GPM6B: variants seen among roughly 807,000 people sequenced by gnomAD.
GPM6B encodes the protein neuronal membrane glycoprotein M6-b.
A neutral mutation model predicts 27.2 loss-of-function variants in GPM6B; 4 were observed. That is an observed-to-expected ratio of 0.15 (90% confidence interval 0.07 to 0.34). GPM6B has a LOEUF of 0.34. GPM6B is among the 10% of genes least tolerant of loss of function. The probability of loss-of-function intolerance (pLI) is 1.00; values close to 1 mark genes in which losing one functional copy is unlikely to be tolerated. For missense variants in GPM6B, 183 were observed against 261.9 expected (o/e 0.70, Z 2.08); for synonymous variants, 124 against 103.1 (o/e 1.20, Z -1.23).
chrX:13,781,561 G>A (rs2048516621), intron 4 of GPM6B, among the ~76,000 whole-genome samples: 1 of 111,044 alleles, frequency 9.0e-6, no homozygotes, highest in Non-Finnish European at 1.9e-5. Context: ...AGCCAGACCA[G>A]GCATAAGTGA....
At chrX:13,806,180 T>C (rs781628800) in intron 2 of GPM6B, among the ~76,000 whole-genome samples, 82 of 111,617 alleles carry the variant, frequency 7.3e-4, no homozygotes, top group African/African-American at 2.6e-3. Context: ...TGCTCCCCAA[T>C]CCTCCCTTCT....
intron 1 of GPM6B, among the ~76,000 whole-genome samples, chrX:13,830,084 G>A (rs1160967108): frequency 2.7e-5 from 3 of 111,243 alleles, no homozygotes; most frequent in African/African-American, 9.8e-5. Context: ...CATGATGCAC[G>A]CATGTGAGCA....
intron 1 of GPM6B, among the ~76,000 whole-genome samples, chrX:13,840,213 C>A (rs1319700554): frequency 8.9e-5 from 10 of 111,823 alleles, no homozygotes; most frequent in African/African-American, 3.3e-4. Context: ...ATACCTCATT[C>A]CTGTCCTCCA....
rs369105187 is a variant in GPM6B, at chrX:13,853,627, A to T, written c.-197-67819T>A. Reference sequence around the variant, plus strand: ...AAAAAAAAAAAAGGGAAAAAGACACACGTGGAGTCTGGAAGAATCCACATG... The same window carrying T: ...AAAAAAAAAAAAGGGAAAAAGACACTCGTGGAGTCTGGAAGAATCCACATG... On this transcript the variant is annotated intron_variant, in intron 1 of 6. Transcript: ENST00000398361. Among the ~76,000 whole-genome samples the T allele has an allele frequency of 3.8e-5, 4 of 104,071 alleles. No homozygotes were observed. The East Asian group carries it at 9.0e-4, about 24-fold the overall frequency. 90.4% of individuals were successfully genotyped at this position (104,071 alleles called of 115,157 possible).
chrX:13,847,726 C>A (rs1002550902), intron 1 of GPM6B, among the ~76,000 whole-genome samples: 2 of 112,115 alleles, frequency 1.8e-5, no homozygotes, highest in Non-Finnish European at 3.8e-5. Flanking sequence ...AGTCCTTTTT[C>A]AAGCAACTTT....
At chrX:13,893,447 C>T (rs1336069017) in intron 1 of GPM6B, among the ~76,000 whole-genome samples, 1 of 111,254 alleles carries the variant, frequency 9.0e-6, no homozygotes, top group Non-Finnish European at 1.9e-5. Context: ...CAAATATTGG[C>T]TTCCGCCTTC....
At chrX:13,879,074 T>C (rs2050069131) in intron 1 of GPM6B, among the ~76,000 whole-genome samples, 1 of 112,153 alleles carries the variant, frequency 8.9e-6, no homozygotes. Context: ...AAATTTGTGG[T>C]AGTGTCTTAG....
At chrX:13,902,084 G>A (rs2050287304) in intron 1 of GPM6B, among the ~76,000 whole-genome samples, 1 of 111,596 alleles carries the variant, frequency 9.0e-6, no homozygotes, top group Non-Finnish European at 1.9e-5. Context: ...AGTTGACTAT[G>A]GAACAGGAGT....
At chrX:13,777,476 T>C in intron 5 of GPM6B, 51 bp from the exon 6 acceptor site, 1 of 838,651 alleles carries the variant, frequency 1.2e-6, no homozygotes, top group Non-Finnish European at 1.8e-6. Context: ...GCGCCTCATG[T>C]TCTTAACAGA....
Position 13,774,412 on chromosome X carries a change from G to A in GPM6B, c.838-1382C>T, listed in dbSNP as rs1462527699. ...GTAAGTCATCTTATTAATCTACCAT[G>A]CAAGGTGAGTTTACTAAAGCTATTT... On this transcript the variant is annotated intron_variant, in intron 7 of 7. Transcript: ENST00000316715. 4 of 1,108,658 alleles carry A rather than the reference G, an allele frequency of 3.6e-6. No individual in the cohort carries two copies. In the African/African-American group the frequency reaches 7.3e-5, roughly 20 times the overall value. The allele number at this position is 1,108,658 out of a possible 1,213,427, so 91.4% of individuals were successfully genotyped here. A position where few individuals can be genotyped will look rare whatever the true frequency, so the allele number is the denominator to read the frequency against.
In GPM6B at chrX:13,816,838, G is replaced by A. The variant is rs2049244119; in HGVS notation, c.61+6C>T. On this transcript the variant is annotated splice_donor_region_variant and intron_variant, in intron 1 of 7. Transcript: ENST00000316715. ...TTAAACAGGCTATTGTCAGAGCGCT[G>A]GGTACCTTTTCTCTCTTGGCTTTGT... The A allele has an allele frequency of 8.3e-7, 1 of 1,210,335 alleles. No homozygotes were observed. Among genetic ancestry groups the A allele is most frequent in the South Asian group, 1.8e-5 (1 of 56,914 alleles).
intron 1 of GPM6B, among the ~76,000 whole-genome samples, chrX:13,901,740 T>C (rs1238154747): frequency 1.8e-5 from 2 of 111,454 alleles, no homozygotes; most frequent in Non-Finnish European, 3.8e-5. Flanking sequence ...GTGAACTTGG[T>C]GAAACTGAGC....
chrX:13,905,774 A>C (rs1279342196), intron 1 of GPM6B, among the ~76,000 whole-genome samples: 1 of 111,181 alleles, frequency 9.0e-6, no homozygotes, highest in Non-Finnish European at 1.9e-5. Context: ...CTTGTACCAC[A>C]TGTACTTGTT....
chrX:13,886,719 T>TAAAAAAAAAAAAAA (rs5901522), intron 1 of GPM6B, among the ~76,000 whole-genome samples: 3,525 of 34,935 alleles, frequency 0.1, 627 homozygotes, highest in East Asian at 0.37. Flanking sequence ...AAGTCACTAC[T>TAAAAAAAAAAAAAA]AAAAAAAAAA....
intron 1 of GPM6B, among the ~76,000 whole-genome samples, chrX:13,891,273 G>A (rs1006116767): frequency 9.0e-6 from 1 of 111,221 alleles, no homozygotes; most frequent in African/African-American, 3.3e-5. Context: ...CAACAAATCA[G>A]AATCTGCATA....
At chrX:13,893,406 A>G (rs773737134) in intron 1 of GPM6B, among the ~76,000 whole-genome samples, 963 of 66,092 alleles carry the variant, frequency 0.015, 9 homozygotes, top group African/African-American at 0.08. Flanking sequence ...GTCACACTGA[A>G]TCTACAAAAA....
At chrX:13,925,670 A>C (rs1317799480) in intron 1 of GPM6B, among the ~76,000 whole-genome samples, 1 of 110,911 alleles carries the variant, frequency 9.0e-6, no homozygotes, top group African/African-American at 3.3e-5. Context: ...ATGCAAAAAC[A>C]TCTTGGGGTA....
At chrX:13,907,470 G>C (rs761949711) in intron 1 of GPM6B, among the ~76,000 whole-genome samples, 1 of 111,884 alleles carries the variant, frequency 8.9e-6, no homozygotes, top group African/African-American at 3.2e-5. Context: ...GATCACTTGA[G>C]GTCAGGAGTT....
At chrX:13,809,936 T>C (rs781016802) in intron 1 of GPM6B, among the ~76,000 whole-genome samples, 1,088 of 44,752 alleles carry the variant, frequency 0.024, 22 homozygotes, top group African/African-American at 0.097. Flanking sequence ...AAAAAAAGAG[T>C]AAAACTCCAT....
Sources: allele counts gnomAD v4.1 joint callset (sites outside exome capture counted in the v4.1 genomes callset), GRCh38; gene constraint gnomAD v4.1.1; transcripts MANE v1.5; gene names NCBI Gene and HGNC (gene_info 2026-07-23, HGNC 2026-07-21).